The following POU6F2 variants were observed in gnomAD, a reference collection of about 807,000 sequenced individuals.
POU6F2 encodes POU domain, class 6, transcription factor 2.
POU6F2 carries 31 observed loss-of-function variants against 71.3 expected under a neutral mutation model. That is an observed-to-expected ratio of 0.43 (90% CI 0.33 to 0.59). The LOEUF is 0.59. Ranked by LOEUF, POU6F2 falls within the 20% of genes least tolerant of loss-of-function variation. The pLI is 0.04. For synonymous variants in POU6F2, 347 were observed against 355.7 expected, an observed-to-expected ratio of 0.98 and a Z score of 0.27; for missense variants, 783 against 856.8, an observed-to-expected ratio of 0.91 and a Z score of 1.07.
At chr7:39,146,807 T>C (rs1390970563) in intron 2 of POU6F2, among the ~76,000 whole-genome samples, 1 of 152,222 alleles carries the variant, frequency 6.6e-6, no homozygotes, top group Non-Finnish European at 1.5e-5. Context: ...TCACACTACA[T>C]ATTCAGCGCA....
At chr7:39,039,206 A>T (rs1265580510) in intron 1 of POU6F2, among the ~76,000 whole-genome samples, 1 of 151,888 alleles carries the variant, frequency 6.6e-6, no homozygotes, top group East Asian at 1.9e-4. Flanking sequence ...TTGCTATTTT[A>T]CCATGGTCAA....
At chr7:39,319,851 A>G (rs1288420931) in intron 4 of POU6F2, among the ~76,000 whole-genome samples, 2 of 152,182 alleles carry the variant, frequency 1.3e-5, no homozygotes, top group Non-Finnish European at 2.9e-5. Flanking sequence ...CAGAACACCA[A>G]TAGCTCTTTC....
intron 1 of POU6F2, among the ~76,000 whole-genome samples, chr7:39,005,544 G>GCGTGCAGGCATGTGTGCA (rs1374701806): frequency 2.2e-5 from 3 of 133,450 alleles, no homozygotes; most frequent in Non-Finnish European, 5.0e-5. Flanking sequence ...TTGCGTGTGT[G>GCGTGCAGGCATGTGTGCA]CGTGCAGGCA....
intron 2 of POU6F2, among the ~76,000 whole-genome samples, chr7:39,148,265 CAGGGGCCAAACCTGTG>C (rs1792662595): frequency 6.6e-6 from 1 of 152,190 alleles, no homozygotes. Context: ...AGGATTTGAC[CAGGGGCCAAACCTGTG>C]ACATCTAGGT....
At chr7:39,021,986 A>C (rs948978137) in intron 1 of POU6F2, among the ~76,000 whole-genome samples, 2 of 152,108 alleles carry the variant, frequency 1.3e-5, no homozygotes, top group Non-Finnish European at 2.9e-5. Flanking sequence ...TTATTCTTGG[A>C]ATCCAGAAAT....
At position 39,068,490 on chromosome 7, in the gene POU6F2, C is replaced by CATATATATATATATATAT. The variant is rs3057275; in HGVS notation, c.106-17353_106-17352insTATATATATATATATATA. 1.4e-3 allele frequency among the ~76,000 whole-genome samples: 199 copies of CATATATATATATATATAT among 146,698 alleles called. 2 individuals carry two copies. The highest frequency in any genetic ancestry group is 4.0e-3 in the African/African-American group (154 of 38,488). On this transcript the variant is annotated intron_variant, in intron 1 of 9. Coordinates refer to ENST00000518318, the MANE Select transcript of POU6F2 (RefSeq NM_001370959.1). ...AGATTATATATACACCTAGTACATG[C>CATATATATATATATATAT]ATATATATATATATATAATTTTCAT...
At chr7:39,044,374 A>G (rs1171961678) in intron 1 of POU6F2, among the ~76,000 whole-genome samples, 1 of 151,948 alleles carries the variant, frequency 6.6e-6, no homozygotes, top group Admixed American at 6.6e-5. Flanking sequence ...ATATATTTCT[A>G]CTTCTACAGG....
chr7:39,304,592 T>C (rs1000003365), intron 4 of POU6F2, among the ~76,000 whole-genome samples: 11 of 151,958 alleles, frequency 7.2e-5, no homozygotes, highest in African/African-American at 2.7e-4. Context: ...TGGAAACCCA[T>C]AAATAGGGCT....
intron 7 of POU6F2, among the ~76,000 whole-genome samples, chr7:39,448,974 A>G (rs997161434): frequency 6.6e-6 from 1 of 152,240 alleles, no homozygotes; most frequent in Non-Finnish European, 1.5e-5. Flanking sequence ...ACTGGATTCA[A>G]TTGTTGATTA....
chr7:39,359,409 G>A (rs1562802171), intron 5 of POU6F2, among the ~76,000 whole-genome samples: 1 of 152,044 alleles, frequency 6.6e-6, no homozygotes, highest in Non-Finnish European at 1.5e-5. Context: ...ATTTATTATA[G>A]AAAAATATTT....
At chr7:39,256,602 C>T (rs941513756) in intron 4 of POU6F2, among the ~76,000 whole-genome samples, 2 of 152,118 alleles carry the variant, frequency 1.3e-5, no homozygotes, top group African/African-American at 2.4e-5. Flanking sequence ...AATCTGCTCA[C>T]CTTAAAGTAG....
At chr7:39,237,200 CAA>C (rs565305682) in intron 4 of POU6F2, among the ~76,000 whole-genome samples, 3 of 152,266 alleles carry the variant, frequency 2.0e-5, no homozygotes, top group African/African-American at 7.2e-5. Flanking sequence ...CCAAGGAAAA[CAA>C]AGCTCTAAGC....
intron 4 of POU6F2, among the ~76,000 whole-genome samples, chr7:39,225,061 T>C (rs1794435790): frequency 6.6e-6 from 1 of 152,210 alleles, no homozygotes; most frequent in Non-Finnish European, 1.5e-5. Context: ...CATTTATGAA[T>C]GAATTAAAAA....
At chr7:39,010,400 T>C (rs1433109430) in intron 1 of POU6F2, among the ~76,000 whole-genome samples, 2 of 150,756 alleles carry the variant, frequency 1.3e-5, no homozygotes, top group Non-Finnish European at 3.0e-5. Context: ...TGCATCTATT[T>C]GATTCTTCTC....
At position 39,005,710 on chromosome 7, in the gene POU6F2, G is replaced by A. The variant is rs181945298; in HGVS notation, c.105+27652G>A. Among the ~76,000 whole-genome samples the A allele has an allele frequency of 2.0e-3, 297 of 152,142 alleles. 1 individual carries two copies. The highest frequency in any genetic ancestry group is 6.8e-3 in the African/African-American group (284 of 41,500). On this transcript the variant is annotated intron_variant, in intron 1 of 9. Coordinates refer to ENST00000518318, the MANE Select transcript of POU6F2 (RefSeq NM_001370959.1). ...ATGCAAGAGAATGGACTACTGTCTG[G>A]TTTGGGTTTGAGTTTTGAGATTTCC...
intron 2 of POU6F2, among the ~76,000 whole-genome samples, chr7:39,202,086 T>C (rs1013046246): frequency 6.6e-6 from 1 of 152,168 alleles, no homozygotes. Flanking sequence ...TTTTGAGAAT[T>C]AACCAGCCTC....
At chr7:39,031,359 A>G (rs1348038491) in intron 1 of POU6F2, among the ~76,000 whole-genome samples, 1 of 152,234 alleles carries the variant, frequency 6.6e-6, no homozygotes, top group East Asian at 1.9e-4. Context: ...CAGGACAATT[A>G]TTAGGATCAG....
At chr7:39,136,538 T>C (rs1584561598) in intron 2 of POU6F2, among the ~76,000 whole-genome samples, 1 of 152,192 alleles carries the variant, frequency 6.6e-6, no homozygotes, top group East Asian at 1.9e-4. Flanking sequence ...GGCTGGGGTG[T>C]AAATAAGTTT....
At chr7:39,259,795 C>T (rs969871547) in intron 4 of POU6F2, among the ~76,000 whole-genome samples, 1 of 152,058 alleles carries the variant, frequency 6.6e-6, no homozygotes, top group Admixed American at 6.5e-5. Flanking sequence ...GTGGGCTGCT[C>T]CCCACAGCCC....
Sources: gnomAD v4.1 joint callset for allele counts (sites outside exome capture counted in the v4.1 genomes callset) on GRCh38, gnomAD v4.1.1 for gene constraint, MANE v1.5 for transcripts, NCBI Gene and HGNC (gene_info 2026-07-23, HGNC 2026-07-21) for gene names.